FBXL7: variants seen among roughly 807,000 people sequenced by gnomAD.
FBXL7 encodes the protein F-box/LRR-repeat protein 7.
In FBXL7, 12 loss-of-function variants were observed where a neutral mutation model predicts 38.3. The observed-to-expected ratio is 0.31, with a 90% CI of 0.20 to 0.51. FBXL7 has a LOEUF of 0.51. FBXL7 is among the 20% of genes least tolerant of loss of function. The pLI is 0.98. For synonymous variants in FBXL7, 297 were observed against 300.9 expected, an observed-to-expected ratio of 0.99 and a Z score of 0.13; for missense variants, 567 against 676.4, an observed-to-expected ratio of 0.84 and a Z score of 1.79.
In FBXL7 at chr5:15,835,427, C is replaced by T. The variant is rs375837676; in HGVS notation, c.128-92463C>T. Among the ~76,000 whole-genome samples the T allele has an allele frequency of 2.0e-4, 31 of 152,126 alleles. 1 individual carries two copies. In the South Asian group the frequency reaches 6.0e-3, roughly 30 times the overall value. ...TACATTATTATGCAATTATAATATG[C>T]GATAGAATTTTTAAGAACCAATATT... On this transcript the variant is annotated intron_variant, in intron 2 of 3. Coordinates refer to ENST00000504595, the MANE Select transcript of FBXL7 (RefSeq NM_012304.5).
intron 1 of FBXL7, among the ~76,000 whole-genome samples, chr5:15,515,558 G>A (rs559848012): frequency 8.5e-5 from 13 of 152,306 alleles, no homozygotes; most frequent in African/African-American, 3.1e-4. Context: ...GCTGTGCTTT[G>A]AAGAGTGATC....
At chr5:15,876,753 T>C (rs1740225242) in intron 2 of FBXL7, among the ~76,000 whole-genome samples, 2 of 152,242 alleles carry the variant, frequency 1.3e-5, no homozygotes, top group South Asian at 4.1e-4. Flanking sequence ...CTTATTTCAA[T>C]TTCTTTAAAA....
intron 2 of FBXL7, among the ~76,000 whole-genome samples, chr5:15,821,670 A>G (rs1409649391): frequency 6.6e-6 from 1 of 152,198 alleles, no homozygotes; most frequent in Non-Finnish European, 1.5e-5. Context: ...TGTCACCATA[A>G]CCACTATCCA....
intron 2 of FBXL7, among the ~76,000 whole-genome samples, chr5:15,732,170 T>C (rs1735605807): frequency 6.6e-6 from 1 of 152,238 alleles, no homozygotes; most frequent in Non-Finnish European, 1.5e-5. Flanking sequence ...ATAGCTCTTA[T>C]GCGAATTCCA....
chr5:15,738,874 CA>C (rs1223998628), intron 2 of FBXL7, among the ~76,000 whole-genome samples: 1 of 152,168 alleles, frequency 6.6e-6, no homozygotes, highest in Admixed American at 6.5e-5. Context: ...TGAGGAAAAC[CA>C]AAGTGTGAGT....
chr5:15,790,645 G>A (rs1249231085), intron 2 of FBXL7, among the ~76,000 whole-genome samples: 3 of 152,096 alleles, frequency 2.0e-5, no homozygotes, highest in Non-Finnish European at 4.4e-5. Flanking sequence ...TACAAATATA[G>A]TACATCCTTT....
intron 3 of FBXL7, among the ~76,000 whole-genome samples, chr5:15,929,456 CA>C (rs1561192909): frequency 2.0e-5 from 3 of 152,130 alleles, no homozygotes; most frequent in Non-Finnish European, 4.4e-5. Flanking sequence ...CCTCTCTCCA[CA>C]AAAACTGGAA....
chr5:15,802,689 T>A (rs1387853832), intron 2 of FBXL7, among the ~76,000 whole-genome samples: 1 of 151,724 alleles, frequency 6.6e-6, no homozygotes, highest in African/African-American at 2.4e-5. Context: ...AGTCTCATGC[T>A]GTTGTCCAGG....
intron 2 of FBXL7, among the ~76,000 whole-genome samples, chr5:15,672,852 G>C (rs1050921306): frequency 3.3e-5 from 5 of 151,372 alleles, no homozygotes; most frequent in African/African-American, 1.2e-4. Flanking sequence ...ACCACACCCG[G>C]CCTGTAATTT....
At chr5:15,859,862 A>G (rs1739402685) in intron 2 of FBXL7, among the ~76,000 whole-genome samples, 1 of 152,202 alleles carries the variant, frequency 6.6e-6, no homozygotes, top group Non-Finnish European at 1.5e-5. Flanking sequence ...AAAGAACCTG[A>G]GGATATAAAA....
At chr5:15,634,313 C>CTTTTTTTTTTTTTTTTTTTTTT (rs57823645) in intron 2 of FBXL7, among the ~76,000 whole-genome samples, 1 of 112,274 alleles carries the variant, frequency 8.9e-6, no homozygotes, top group Non-Finnish European at 1.8e-5. Context: ...ATGTTCGTTT[C>CTTTTTTTTTTTTTTTTTTTTTT]TTTTTTTTTT....
At chr5:15,739,544 T>C (rs1333404475) in intron 2 of FBXL7, among the ~76,000 whole-genome samples, 3 of 152,216 alleles carry the variant, frequency 2.0e-5, no homozygotes, top group Non-Finnish European at 4.4e-5. Flanking sequence ...ATTTATTCCT[T>C]ATTTGTCCCT....
intron 2 of FBXL7, among the ~76,000 whole-genome samples, chr5:15,847,881 C>T (rs1738960930): frequency 1.3e-5 from 2 of 152,104 alleles, no homozygotes; most frequent in Non-Finnish European, 2.9e-5. Flanking sequence ...AGCAAGAAAA[C>T]AGGGGCTATA....
chr5:15,741,296 T>C (rs528795576), intron 2 of FBXL7, among the ~76,000 whole-genome samples: 1 of 152,340 alleles, frequency 6.6e-6, no homozygotes, highest in African/African-American at 2.4e-5. Context: ...ATATTTCTAA[T>C]TTTAGTAACA....
At chr5:15,652,694 G>A (rs1741750195) in intron 2 of FBXL7, among the ~76,000 whole-genome samples, 2 of 152,208 alleles carry the variant, frequency 1.3e-5, no homozygotes, top group South Asian at 4.1e-4. Context: ...TAGAAGCCAT[G>A]ATAGGGTTAT....
chr5:15,541,627 C>T (rs976577034), intron 1 of FBXL7, among the ~76,000 whole-genome samples: 1 of 148,406 alleles, frequency 6.7e-6, no homozygotes, highest in East Asian at 2.0e-4. Context: ...TTACTGCAAC[C>T]TCTGCCTTCC....
chr5:15,677,303 C>T (rs1742691621), intron 2 of FBXL7, among the ~76,000 whole-genome samples: 1 of 152,076 alleles, frequency 6.6e-6, no homozygotes, highest in South Asian at 2.1e-4. Context: ...AACCCTGTCT[C>T]TACTAAAACA....
At chr5:15,609,173 G>A (rs565568996) in intron 1 of FBXL7, among the ~76,000 whole-genome samples, 1 of 152,244 alleles carries the variant, frequency 6.6e-6, no homozygotes, top group South Asian at 2.1e-4. Context: ...ACACTCCTTA[G>A]TGTGCTACTC....
At chr5:15,857,338 T>C (rs73062151) in intron 2 of FBXL7, among the ~76,000 whole-genome samples, 8,205 of 152,242 alleles carry the variant, frequency 0.054, 720 homozygotes, top group African/African-American at 0.19. Flanking sequence ...TTAATTCTCA[T>C]ATCAACTCTG....
Sources: gnomAD v4.1 joint callset for allele counts (sites outside exome capture counted in the v4.1 genomes callset) on GRCh38, gnomAD v4.1.1 for gene constraint, MANE v1.5 for transcripts, NCBI Gene and HGNC (gene_info 2026-07-23, HGNC 2026-07-21) for gene names.